The following TP53BP1 variants were observed in gnomAD, a reference collection of about 807,000 sequenced individuals.
The protein encoded by TP53BP1 is tumor protein p53 binding protein 1.
TP53BP1 carries 61 observed loss-of-function variants against 200.8 expected under a neutral mutation model. The observed-to-expected ratio is 0.30, with a 90% CI of 0.25 to 0.38. The LOEUF (loss-of-function observed/expected upper bound fraction) is 0.38. TP53BP1 is among the 10% of genes least tolerant of loss of function. The probability of loss-of-function intolerance (pLI) is 1.00; values close to 1 mark genes in which losing one functional copy is unlikely to be tolerated. For missense variants in TP53BP1, 2,144 were observed against 2,371.9 expected (o/e 0.90, Z 2.00); for synonymous variants, 822 against 844.3 (o/e 0.97, Z 0.46).
Position 43,477,618 on chromosome 15 carries a change from G to A in TP53BP1, c.930C>T (p.Asp310=). 1 of 1,613,110 alleles carries A rather than the reference G, an allele frequency of 6.2e-7. No individual in the cohort carries two copies. The highest frequency in any genetic ancestry group is 8.5e-7 in the Non-Finnish European group (1 of 1,179,732). ...CTGTTTTATTGCTCTGGTCAAACAA[G>A]TCTTCCTGAGTTGACAAAACCTCAG... ...PEPEVLSTQE[D]LFDQSNKTVS... is the part of the protein sequence containing the mutation. The change falls in exon 8 of 28, where the codon GAC becomes GAT. Residue 310 remains aspartate (D), a synonymous_variant. Transcript: ENST00000382044.
At chr15:43,454,037 T>G (rs2046235479) in intron 12 of TP53BP1, among the ~76,000 whole-genome samples, 2 of 151,620 alleles carry the variant, frequency 1.3e-5, no homozygotes. Context: ...AAACCCCGTC[T>G]CTACTAAAAA....
chr15:43,457,540 T>G (rs1373747115), intron 11 of TP53BP1, among the ~76,000 whole-genome samples: 1 of 151,152 alleles, frequency 6.6e-6, no homozygotes, highest in East Asian at 1.9e-4. Context: ...GGCGTGGTGG[T>G]GGGCACCTGT....
chr15:43,470,117 CT>C lies in TP53BP1; in HGVS notation c.1181-52del, dbSNP rs544569712. ...TGAGAAATATCACTCATCAATATTA[CT>C]CATGTTCCAAAACCACTAAGAACAA... On this transcript the variant is annotated intron_variant, in intron 10 of 27. Coordinates refer to ENST00000382044, the MANE Select transcript of TP53BP1 (RefSeq NM_001141980.3). The C allele has an allele frequency of 9.5e-5, 137 of 1,449,720 alleles. No individual in the cohort carries two copies. The East Asian group carries it at 3.1e-3, about 32-fold the overall frequency. The allele number at this position is 1,449,720 out of a possible 1,614,324, so 89.8% of individuals were successfully genotyped here. A position where few individuals can be genotyped will look rare whatever the true frequency, so the allele number is the denominator to read the frequency against.
chr15:43,495,878 G>C (rs1566970824), upstream of TP53BP1, among the ~76,000 whole-genome samples: 1 of 151,002 alleles, frequency 6.6e-6, no homozygotes, highest in Non-Finnish European at 1.5e-5. Flanking sequence ...AAATGAGTGA[G>C]CCATTTGCAT....
chr15:43,469,769 G>T, intron 11 of TP53BP1, 89 bp downstream of exon 11: 1 of 1,055,778 alleles, frequency 9.5e-7, no homozygotes, highest in Non-Finnish European at 1.4e-6. Context: ...CATTTAAAAC[G>T]TGTGAATTTT....
intron 1 of TP53BP1, 57 bp from the exon 2 acceptor site, chr15:43,492,525 G>C (rs2079140876): frequency 6.9e-7 from 1 of 1,442,686 alleles, no homozygotes; most frequent in East Asian, 2.3e-5. Context: ...TGCTCACGCA[G>C]TCTAAACCTA....
upstream of TP53BP1, among the ~76,000 whole-genome samples, chr15:43,496,997 T>C (rs956173920): frequency 6.6e-6 from 1 of 152,236 alleles, no homozygotes; most frequent in African/African-American, 2.4e-5. Context: ...TCTCTACGTT[T>C]GCAGTCTGGC....
At chr15:43,508,399 T>C (rs377093026) in intron 1 of TP53BP1, among the ~76,000 whole-genome samples, 3 of 152,268 alleles carry the variant, frequency 2.0e-5, no homozygotes, top group African/African-American at 7.2e-5. Context: ...GGCTCACGCT[T>C]GTAATCCCAG....
Position 43,491,885 on chromosome 15 carries a change from T to C in TP53BP1, c.286+117A>G, listed in dbSNP as rs2079128574. 5.6e-6 allele frequency: 6 copies of C among 1,076,180 alleles called. No homozygotes were observed. The East Asian group carries it at 1.2e-4, about 21-fold the overall frequency. The allele number at this position is 1,076,180 out of a possible 1,614,324, so 66.7% of individuals were successfully genotyped here. ...AACTTTTGAGTGACTACTACGCAGA[T>C]ACCACAGTAGGCTTCCTTACATACA... On this transcript the variant is annotated intron_variant, in intron 3 of 27. Coordinates refer to ENST00000382044, the MANE Select transcript of TP53BP1 (RefSeq NM_001141980.3).
intron 16 of TP53BP1, among the ~76,000 whole-genome samples, chr15:43,436,999 A>C (rs1357187332): frequency 3.3e-5 from 5 of 151,792 alleles, no homozygotes; most frequent in Admixed American, 3.3e-4. Context: ...AAAAGTTGAA[A>C]AAAAAAAAAA....
chr15:43,418,647 C>T (rs1319286495), intron 21 of TP53BP1, among the ~76,000 whole-genome samples: 1 of 152,038 alleles, frequency 6.6e-6, no homozygotes, highest in Non-Finnish European at 1.5e-5. Flanking sequence ...AGAAAGGAGA[C>T]AATATATTCA....
chr15:43,493,236 T>TA, upstream of TP53BP1: 1 of 1,455,940 alleles, frequency 6.9e-7, no homozygotes, highest in South Asian at 1.4e-5. Flanking sequence ...CCGTGGATGA[T>TA]AGGTAGCTGC....
At chr15:43,431,080 G>A (rs2045658436) in intron 17 of TP53BP1, among the ~76,000 whole-genome samples, 1 of 152,102 alleles carries the variant, frequency 6.6e-6, no homozygotes. Flanking sequence ...TTAACAGGCA[G>A]GGAGCATATA....
rs1203400658 is a variant in TP53BP1, at chr15:43,407,188, CAAA to C, written c.*192_*194del. ...TTGTCATTTGTTCTGAGATTAAGCT[CAAA>C]AAAACAGATGAAGAAATCCCAGTTA... is the stretch of plus-strand genomic sequence containing the variant. On this transcript the variant is annotated 3_prime_UTR_variant, in exon 28 of 28. Coordinates refer to ENST00000382044, the MANE Select transcript of TP53BP1 (RefSeq NM_001141980.3). 2 of 570,954 alleles carry C rather than the reference CAAA, an allele frequency of 3.5e-6. No homozygotes were observed. Among genetic ancestry groups the C allele is most frequent in the Non-Finnish European group, 3.1e-6 (1 of 324,376 alleles). 35.4% of individuals were successfully genotyped at this position (570,954 alleles called of 1,614,324 possible).
At chr15:43,466,758 G>C (rs778285392) in intron 11 of TP53BP1, among the ~76,000 whole-genome samples, 2 of 152,156 alleles carry the variant, frequency 1.3e-5, no homozygotes, top group African/African-American at 4.8e-5. Flanking sequence ...TCAGGAGGCC[G>C]AGGTGGGAGG....
Position 43,446,472 on chromosome 15 carries a change from G to A in TP53BP1, c.2955C>T (p.Asp985=), listed in dbSNP as rs142170985. ...SGKGDSGAAP[D]VDDKLCLRMK... is the part of the protein sequence containing the mutation. ...TTCTTAGACATAATTTATCATCCACGTCTGGGGCAGCCCCAGAATCCCCTT... is the reference window on the plus strand; with the variant it reads ...TTCTTAGACATAATTTATCATCCACATCTGGGGCAGCCCCAGAATCCCCTT... The change falls in exon 14 of 28, where the codon GAC becomes GAT. Residue 985 remains aspartate (D), a synonymous_variant. Coordinates refer to ENST00000382044, the MANE Select transcript of TP53BP1 (RefSeq NM_001141980.3). The A allele has an allele frequency of 9.9e-6, 16 of 1,613,924 alleles. No homozygotes were observed. Among genetic ancestry groups the A allele is most frequent in the Admixed American group, 1.7e-5 (1 of 59,998 alleles).
intron 25 of TP53BP1, chr15:43,409,440 G>C (rs1162537676): frequency 1.9e-6 from 1 of 535,598 alleles, no homozygotes; most frequent in African/African-American, 1.9e-5. Context: ...CAGAACCATA[G>C]CCATTAACTA....
Position 43,456,331 on chromosome 15 carries a change from G to T in TP53BP1, c.2277C>A (p.Ser759=). ...EAWEEATSED[S]SVVIVDVKEP... ...CTTTCACATCTACAATGACAACACT[G>T]GAGTCCTCTGAAGTAGCTTCTTCCC... is the stretch of plus-strand genomic sequence containing the variant. The change falls in exon 12 of 28, where the codon TCC becomes TCA. Residue 759 remains serine, a synonymous_variant. Coordinates refer to ENST00000382044, the MANE Select transcript of TP53BP1 (RefSeq NM_001141980.3). The T allele has an allele frequency of 6.2e-7, 1 of 1,613,880 alleles. No individual in the cohort carries two copies. Among genetic ancestry groups the T allele is most frequent in the Non-Finnish European group, 8.5e-7 (1 of 1,179,998 alleles).
intron 11 of TP53BP1, among the ~76,000 whole-genome samples, chr15:43,459,988 T>A (rs962533193): frequency 1.3e-5 from 2 of 152,178 alleles, no homozygotes; most frequent in Non-Finnish European, 2.9e-5. Flanking sequence ...CACAAAAGGT[T>A]ATAAGGAAAC....
Sources: allele counts gnomAD v4.1 joint callset (sites outside exome capture counted in the v4.1 genomes callset), GRCh38; gene constraint gnomAD v4.1.1; transcripts MANE v1.5; gene names NCBI Gene and HGNC (gene_info 2026-07-23, HGNC 2026-07-21).